The following POMP variants were observed in gnomAD, a reference collection of about 807,000 sequenced individuals.
POMP encodes the protein proteasome maturation protein.
A neutral mutation model predicts 20.6 loss-of-function variants in POMP; 12 were observed. The ratio of observed to expected loss-of-function variants is 0.58; its 90% CI spans 0.37 to 0.94. The LOEUF (loss-of-function observed/expected upper bound fraction) is 0.94, where lower values mean the gene tolerates loss of function less well. Ranked by LOEUF, POMP falls within the 40% of genes least tolerant of loss-of-function variation. The pLI is 0.01. For synonymous variants in POMP, 53 were observed against 55.0 expected, an observed-to-expected ratio of 0.96 and a Z score of 0.16; for missense variants, 136 against 161.1, an observed-to-expected ratio of 0.84 and a Z score of 0.84.
At chr13:28,661,484 G>A (rs533007807) in intron 1 of POMP, among the ~76,000 whole-genome samples, 1 of 146,584 alleles carries the variant, frequency 6.8e-6, no homozygotes, top group South Asian at 2.1e-4. Context: ...AATAAATAAA[G>A]TTAGCATCTC....
intron 3 of POMP, among the ~76,000 whole-genome samples, chr13:28,666,355 A>T (rs77494612): frequency 0.029 from 4,378 of 152,298 alleles, 98 homozygotes; most frequent in South Asian, 0.094. Flanking sequence ...AAGGGAGATT[A>T]TATTATTTTC....
intron 3 of POMP, among the ~76,000 whole-genome samples, chr13:28,666,182 A>G (rs546091170): frequency 6.6e-6 from 1 of 152,316 alleles, no homozygotes; most frequent in East Asian, 1.9e-4. Flanking sequence ...TTTGGATTCA[A>G]AAAATGAATT....
rs542933607 is a variant in POMP at position 28,668,556 on chromosome 13, A to G, written c.246A>G (p.Glu82=). 54 of 1,608,794 alleles carry G rather than the reference A, an allele frequency of 3.4e-5. 1 individual carries two copies. The South Asian group carries it at 5.2e-4, about 15-fold the overall frequency. Residue 82 remains glutamate, a synonymous_variant, in exon 4 of 6, where the codon GAA becomes GAG. Transcript: ENST00000380842. Reference sequence around the variant, plus strand: ...TTGCTCCGCTAAAATTACAGATGGAATTCAAGGCAGTGCAGCAGGTGAGTT... The same window carrying G: ...TTGCTCCGCTAAAATTACAGATGGAGTTCAAGGCAGTGCAGCAGGTGAGTT... The part of the protein sequence containing the change: ...GLFAPLKLQM[E]FKAVQQVQRL...
chr13:28,673,070 C>CTTT (rs34619603), intron 5 of POMP, among the ~76,000 whole-genome samples: 5 of 126,508 alleles, frequency 4.0e-5, no homozygotes, highest in African/African-American at 1.4e-4. Flanking sequence ...AGGAATCTGT[C>CTTT]TTTTTTTTTT....
In POMP at chr13:28,678,717, A is replaced by G. The variant is rs1884674380; in HGVS notation, c.*615A>G. ...TAGATGTAGGTTAAACTTTTACTTC[A>G]TAGACTTAATATGTAATTAATATAT... On this transcript the variant is annotated 3_prime_UTR_variant, in exon 6 of 6. Coordinates refer to ENST00000380842, the MANE Select transcript of POMP (RefSeq NM_015932.6). 6.6e-6 allele frequency: 1 copy of G among 152,598 alleles called. No individual in the cohort carries two copies. Among genetic ancestry groups the G allele is most frequent in the Admixed American group, 6.5e-5 (1 of 15,314 alleles). The allele number at this position is 152,598 out of a possible 1,614,324, so 9.5% of individuals were successfully genotyped here. A position where few individuals can be genotyped will look rare whatever the true frequency, so the allele number is the denominator to read the frequency against.
At chr13:28,670,278 C>G (rs1884524423) in intron 4 of POMP, among the ~76,000 whole-genome samples, 1 of 152,156 alleles carries the variant, frequency 6.6e-6, no homozygotes, top group South Asian at 2.1e-4. Flanking sequence ...ACTCCTTATC[C>G]CATATGAATA....
intron 5 of POMP, 112 bp from the exon 6 acceptor site, chr13:28,677,923 T>C (rs137858324): frequency 0.014 from 15,480 of 1,131,728 alleles, 145 homozygotes; most frequent in South Asian, 0.025. Context: ...CTGGTTTGTT[T>C]TCTATAACTT....
chr13:28,664,441 A>C, intron 2 of POMP, 68 bp from the exon 3 acceptor site: 3 of 1,086,128 alleles, frequency 2.8e-6, no homozygotes, highest in Non-Finnish European at 4.1e-6. Context: ...TATAGATATG[A>C]TTTTGAGCTC....
intron 5 of POMP, among the ~76,000 whole-genome samples, chr13:28,675,180 A>G (rs1884608753): frequency 6.6e-6 from 1 of 150,666 alleles, no homozygotes; most frequent in Non-Finnish European, 1.5e-5. Context: ...TAGCTCTGTC[A>G]CCCAGGCTGG....
At chr13:28,660,856 C>T (rs530568250) in intron 1 of POMP, among the ~76,000 whole-genome samples, 1 of 152,202 alleles carries the variant, frequency 6.6e-6, no homozygotes, top group Admixed American at 6.5e-5. Context: ...AGGTTTCATG[C>T]TTGAGGAAAA....
intron 1 of POMP, 45 bp from the exon 2 acceptor site, chr13:28,662,365 T>G (rs1884357907): frequency 1.4e-6 from 2 of 1,468,250 alleles, no homozygotes; most frequent in East Asian, 4.5e-5. Flanking sequence ...GGGTGTGTGT[T>G]TAAATTTTTT....
chr13:28,664,621 T>G (rs1884408661), intron 3 of POMP, 52 bp downstream of exon 3: 1 of 1,086,216 alleles, frequency 9.2e-7, no homozygotes, highest in Admixed American at 2.2e-5. Context: ...TAAATACTTT[T>G]ACTAATATTG....
intron 3 of POMP, among the ~76,000 whole-genome samples, chr13:28,665,641 C>T (rs1377483096): frequency 2.0e-5 from 3 of 152,134 alleles, no homozygotes; most frequent in Non-Finnish European, 4.4e-5. Flanking sequence ...TAACATTGAT[C>T]CCTGAAACTG....
At chr13:28,677,374 T>C (rs983183673) in intron 5 of POMP, among the ~76,000 whole-genome samples, 2 of 152,222 alleles carry the variant, frequency 1.3e-5, no homozygotes, top group Non-Finnish European at 2.9e-5. Context: ...GATTTTACGA[T>C]TTAGTTCATT....
chr13:28,660,043 T>G (rs797001460), intron 1 of POMP: 6 of 152,346 alleles, frequency 3.9e-5, no homozygotes, highest in African/African-American at 1.4e-4. Context: ...AGTACTAATC[T>G]TGATATTTTA....
chr13:28,667,614 A>G (rs530097828), intron 3 of POMP, among the ~76,000 whole-genome samples: 3 of 152,172 alleles, frequency 2.0e-5, no homozygotes, highest in Non-Finnish European at 2.9e-5. Flanking sequence ...TAATCTCTCA[A>G]TAGATTTTTG....
At chr13:28,673,368 C>T (rs548641802) in intron 5 of POMP, among the ~76,000 whole-genome samples, 8 of 152,084 alleles carry the variant, frequency 5.3e-5, no homozygotes, top group East Asian at 3.9e-4. Context: ...TGCACCCGGC[C>T]GAATCTGTTA....
chr13:28,662,628 T>C (rs1351063670), intron 2 of POMP, 121 bp downstream of exon 2: 6 of 808,408 alleles, frequency 7.4e-6, no homozygotes, highest in Non-Finnish European at 1.3e-5. Flanking sequence ...TAATATACCT[T>C]ACATGGGGTG....
chr13:28,660,386 T>C (rs1884311883), intron 1 of POMP, among the ~76,000 whole-genome samples: 1 of 152,242 alleles, frequency 6.6e-6, no homozygotes, highest in African/African-American at 2.4e-5. Context: ...CCCAGTACTT[T>C]TTAATAAAGT....
Sources: gnomAD v4.1 joint callset for allele counts (sites outside exome capture counted in the v4.1 genomes callset) on GRCh38, gnomAD v4.1.1 for gene constraint, MANE v1.5 for transcripts, NCBI Gene and HGNC (gene_info 2026-07-23, HGNC 2026-07-21) for gene names.